CDH13: variants seen among roughly 807,000 people sequenced by gnomAD.
CDH13 encodes the protein cadherin 13.
In CDH13, 24 loss-of-function variants were observed where a neutral mutation model predicts 63.8. The observed-to-expected ratio is 0.38, with a 90% CI of 0.27 to 0.53. The LOEUF (loss-of-function observed/expected upper bound fraction) is 0.53, where lower values mean the gene tolerates loss of function less well. Among genes scored for constraint, CDH13 ranks in the 20% least tolerant of loss-of-function variants. CDH13 has a pLI of 0.85. For missense variants in CDH13, 1,049 were observed against 903.1 expected, an observed-to-expected ratio of 1.16 and a Z score of -2.07; for synonymous variants, 503 against 355.3, an observed-to-expected ratio of 1.42 and a Z score of -4.67.
chr16:83,406,459 T>C (rs111678481), intron 6 of CDH13, among the ~76,000 whole-genome samples: 2,165 of 150,040 alleles, frequency 0.014, 57 homozygotes, highest in African/African-American at 0.05. Context: ...CTTTCTCTTT[T>C]TCTCTCTCTC....
intron 1 of CDH13, among the ~76,000 whole-genome samples, chr16:82,847,143 A>T (rs987831307): frequency 1.1e-4 from 17 of 152,178 alleles, no homozygotes; most frequent in African/African-American, 3.9e-4. Context: ...ATGTTAAAAT[A>T]CCAAGTAAAG....
intron 1 of CDH13, among the ~76,000 whole-genome samples, chr16:82,700,941 A>G (rs1175299626): frequency 9.9e-6 from 1 of 100,564 alleles, no homozygotes; most frequent in African/African-American, 3.9e-5. Flanking sequence ...GCACCATTGT[A>G]AGTGCTGGAA....
At position 82,683,577 on chromosome 16, in the gene CDH13, G is replaced by A. The variant is rs1344043214; in HGVS notation, c.45+56440G>A. ...CACACAAATATAGTTGGACCAGAAG[G>A]ACCAGCAGCTCTCAAGGGGTAAGAG... On this transcript the variant is annotated intron_variant, in intron 1 of 13. Coordinates refer to ENST00000567109, the MANE Select transcript of CDH13 (RefSeq NM_001257.5). Among the ~76,000 whole-genome samples, 8 of 152,210 alleles carry A rather than the reference G, an allele frequency of 5.3e-5. No homozygotes were observed. The East Asian group carries it at 1.5e-3, about 29-fold the overall frequency.
intron 7 of CDH13, among the ~76,000 whole-genome samples, chr16:83,574,078 C>T (rs1229756815): frequency 7.9e-5 from 12 of 152,100 alleles, no homozygotes; most frequent in Admixed American, 7.9e-4. Context: ...ATTTTCCCAG[C>T]TGCGAAATGG....
Position 82,956,046 on chromosome 16 carries a change from A to G in CDH13, c.158-75964A>G, listed in dbSNP as rs529346998. 3.0e-4 allele frequency among the ~76,000 whole-genome samples: 45 copies of G among 152,286 alleles called. No individual in the cohort carries two copies. In the South Asian group the frequency reaches 9.3e-3, roughly 32 times the overall value. ...ATAGTTCATTGAACTCTCCAAGTGC[A>G]AAGTTAAACTCAATCTCCCCACCAA... On this transcript the variant is annotated intron_variant, in intron 2 of 13. Coordinates refer to ENST00000567109, the MANE Select transcript of CDH13 (RefSeq NM_001257.5).
chr16:83,465,842 A>G (rs1034099398), intron 6 of CDH13, among the ~76,000 whole-genome samples: 8 of 152,170 alleles, frequency 5.3e-5, no homozygotes, highest in Admixed American at 3.9e-4. Context: ...CACAAACTCT[A>G]TTCTCTCTTA....
intron 7 of CDH13, among the ~76,000 whole-genome samples, chr16:83,561,244 T>C (rs2075702470): frequency 6.6e-6 from 1 of 151,620 alleles, no homozygotes; most frequent in Admixed American, 6.6e-5. Context: ...GTTGGGAGTT[T>C]GAGACCAGCC....
chr16:82,811,320 A>C (rs539775236), intron 1 of CDH13, among the ~76,000 whole-genome samples: 1 of 152,192 alleles, frequency 6.6e-6, no homozygotes. Context: ...GCTGTTAAAC[A>C]TTGACCATCA....
chr16:83,006,414 G>C (rs1913500434), intron 2 of CDH13, among the ~76,000 whole-genome samples: 1 of 152,192 alleles, frequency 6.6e-6, no homozygotes, highest in Admixed American at 6.5e-5. Flanking sequence ...CTTTCCCCCA[G>C]AATAGCTCCT....
intron 8 of CDH13, among the ~76,000 whole-genome samples, chr16:83,608,377 G>T (rs934147906): frequency 2.6e-5 from 4 of 152,206 alleles, no homozygotes; most frequent in Admixed American, 1.3e-4. Context: ...TTCACATCAG[G>T]TTATCAAATG....
chr16:83,107,910 G>A (rs2034855291), intron 3 of CDH13, among the ~76,000 whole-genome samples: 2 of 150,804 alleles, frequency 1.3e-5, no homozygotes, highest in African/African-American at 4.9e-5. Flanking sequence ...ACATCCGCCT[G>A]CTGGATTCAA....
intron 11 of CDH13, among the ~76,000 whole-genome samples, chr16:83,752,010 G>T (rs1243662677): frequency 6.6e-6 from 1 of 152,232 alleles, no homozygotes; most frequent in Non-Finnish European, 1.5e-5. Flanking sequence ...AAAAGGAAGA[G>T]GTCTGGACAG....
intron 6 of CDH13, among the ~76,000 whole-genome samples, chr16:83,388,033 A>G (rs550557530): frequency 1.3e-5 from 2 of 152,240 alleles, no homozygotes; most frequent in Admixed American, 6.5e-5. Context: ...CTGGGGTAAA[A>G]GACCTCCTAG....
chr16:83,560,904 C>CG (rs969144489), intron 7 of CDH13, among the ~76,000 whole-genome samples: 2 of 151,942 alleles, frequency 1.3e-5, no homozygotes, highest in Non-Finnish European at 2.9e-5. Context: ...GGTTGGCCCC[C>CG]CCCCCGCCCC....
At chr16:83,636,461 A>G (rs1281513633) in intron 8 of CDH13, among the ~76,000 whole-genome samples, 1 of 152,046 alleles carries the variant, frequency 6.6e-6, no homozygotes, top group Non-Finnish European at 1.5e-5. Flanking sequence ...TGGAGCCCCC[A>G]GTATCTATTG....
At chr16:83,120,763 C>CTTTCTTTTTT (rs2035531682) in intron 3 of CDH13, among the ~76,000 whole-genome samples, 1 of 60,226 alleles carries the variant, frequency 1.7e-5, no homozygotes, top group African/African-American at 4.8e-5. Context: ...AATTTTCTTT[C>CTTTCTTTTTT]TTTTTTTTTT....
intron 1 of CDH13, among the ~76,000 whole-genome samples, chr16:82,849,561 G>A (rs1464271461): frequency 6.6e-6 from 1 of 152,202 alleles, no homozygotes; most frequent in African/African-American, 2.4e-5. Flanking sequence ...TATAGAAGCT[G>A]CAGCAAGTCA....
intron 7 of CDH13, among the ~76,000 whole-genome samples, chr16:83,594,187 T>C (rs1315939150): frequency 3.9e-5 from 6 of 152,228 alleles, no homozygotes; most frequent in Admixed American, 1.3e-4. Context: ...CTCAGTTTCT[T>C]GTTACATCTT....
At chr16:83,188,709 C>G (rs906093636) in intron 4 of CDH13, among the ~76,000 whole-genome samples, 1 of 152,174 alleles carries the variant, frequency 6.6e-6, no homozygotes, top group African/African-American at 2.4e-5. Context: ...TTCCTATAAA[C>G]TCAAATTTTG....
Sources: allele counts gnomAD v4.1 joint callset (sites outside exome capture counted in the v4.1 genomes callset), GRCh38; gene constraint gnomAD v4.1.1; transcripts MANE v1.5; gene names NCBI Gene and HGNC (gene_info 2026-07-23, HGNC 2026-07-21).